PSMB2: variants seen among roughly 807,000 people sequenced by gnomAD.
The protein encoded by PSMB2 is proteasome subunit beta type-2.
PSMB2 carries 13 observed loss-of-function variants against 25.7 expected under a neutral mutation model. The observed-to-expected ratio is 0.51, with a 90% CI of 0.33 to 0.80. PSMB2 has a LOEUF of 0.80. Among genes scored for constraint, PSMB2 ranks in the 30% least tolerant of loss-of-function variants. PSMB2 has a pLI of 0.02. For missense variants in PSMB2, 202 were observed against 259.0 expected, an observed-to-expected ratio of 0.78 and a Z score of 1.51; for synonymous variants, 87 against 96.2, an observed-to-expected ratio of 0.90 and a Z score of 0.56.
chr1:35,636,240 C>G, intron 2 of PSMB2, 70 bp downstream of exon 2: 1 of 1,567,982 alleles, frequency 6.4e-7, no homozygotes, highest in Non-Finnish European at 8.7e-7. Context: ...TTAAGCCACC[C>G]AGTCTGTGAC....
At position 35,601,988 on chromosome 1, in the gene PSMB2, AAAAC is replaced by A. The variant is rs2148559576; in HGVS notation, c.*1275_*1278del. 1.2e-6 allele frequency: 1 copy of A among 854,372 alleles called. No homozygotes were observed. The highest frequency in any genetic ancestry group is 1.8e-5 in the African/African-American group (1 of 54,600). The allele number at this position is 854,372 out of a possible 1,614,324, so 52.9% of individuals were successfully genotyped here. A position where few individuals can be genotyped will look rare whatever the true frequency, so the allele number is the denominator to read the frequency against. On this transcript the variant is annotated 3_prime_UTR_variant, in exon 6 of 6. Coordinates refer to ENST00000373237, the MANE Select transcript of PSMB2 (RefSeq NM_002794.5). ...TAAGCATATCTATATGTATTGATATAAAACAATCTCTAATATAGTGTTAAGTGAA... is the reference window on the plus strand; with the variant it reads ...TAAGCATATCTATATGTATTGATATAAATCTCTAATATAGTGTTAAGTGAA...
At chr1:35,603,441 C>T in intron 5 of PSMB2, 67 bp from the exon 6 acceptor site, 1 of 1,562,436 alleles carries the variant, frequency 6.4e-7, no homozygotes, top group South Asian at 1.2e-5. Flanking sequence ...AGGCTCTGTT[C>T]TAGACACTGG....
chr1:35,613,292 C>T (rs1371732432), intron 3 of PSMB2, among the ~76,000 whole-genome samples: 2 of 152,030 alleles, frequency 1.3e-5, no homozygotes, highest in East Asian at 1.9e-4. Flanking sequence ...TAATCCCGCA[C>T]TTTGGGAGGC....
intron 3 of PSMB2, among the ~76,000 whole-genome samples, chr1:35,619,377 T>G (rs1207344913): frequency 6.6e-6 from 1 of 152,220 alleles, no homozygotes; most frequent in Non-Finnish European, 1.5e-5. Context: ...AGGCATGTAC[T>G]TCTGTGACAA....
intron 3 of PSMB2, among the ~76,000 whole-genome samples, chr1:35,618,496 CTAAGTTGCCA>C (rs1227548940): frequency 6.7e-6 from 1 of 150,050 alleles, no homozygotes; most frequent in African/African-American, 2.5e-5. Flanking sequence ...AAAGGTATAC[CTAAGTTGCCA>C]TAAGAAATTG....
intron 3 of PSMB2, among the ~76,000 whole-genome samples, chr1:35,628,596 A>AAAAAAATATATATATAT (rs59538661): frequency 1.6e-4 from 4 of 25,098 alleles, no homozygotes; most frequent in Non-Finnish European, 3.0e-4. Flanking sequence ...AAAAAAAAAA[A>AAAAAAATATATATATAT]ATATATATAT....
In PSMB2 at chr1:35,609,363, C is replaced by T. The variant is rs1650266154; in HGVS notation, c.331G>A (p.Glu111Lys). 1 of 1,605,250 alleles carries T rather than the reference C, an allele frequency of 6.2e-7. No individual in the cohort carries two copies. The change falls in exon 4 of 6, where the codon GAA becomes AAA. Residue 111 changes from glutamate to lysine, a missense_variant. Glu to Lys is a moderately conservative substitution (Grantham distance 56, BLOSUM62 1). Coordinates refer to ENST00000373237, the MANE Select transcript of PSMB2 (RefSeq NM_002794.5). ...TCCATGTAATACAGCGCTGGCCCTT[C>T]ATGCTCATCATAGCCAGCCAGGAGG... ...NLLLAGYDEH[E>K]GPALYYMDYL...
intron 3 of PSMB2, among the ~76,000 whole-genome samples, chr1:35,613,039 CAT>C (rs1479042316): frequency 6.6e-6 from 1 of 152,228 alleles, no homozygotes; most frequent in East Asian, 1.9e-4. Flanking sequence ...CTGACGCACA[CAT>C]ATACTTACCA....
At chr1:35,635,273 ATT>A (rs1281281920) in intron 2 of PSMB2, among the ~76,000 whole-genome samples, 2 of 136,982 alleles carry the variant, frequency 1.5e-5, no homozygotes, top group Admixed American at 7.1e-5. Context: ...AAAAAAAAAA[ATT>A]TTTTTTTTTT....
chr1:35,604,520 C>T (rs1650102647), intron 5 of PSMB2, among the ~76,000 whole-genome samples: 1 of 152,186 alleles, frequency 6.6e-6, no homozygotes, highest in Non-Finnish European at 1.5e-5. Flanking sequence ...TGGCTCATGC[C>T]TGTAATCCCA....
chr1:35,613,728 T>G (rs1037260760), intron 3 of PSMB2, among the ~76,000 whole-genome samples: 6 of 152,132 alleles, frequency 3.9e-5, no homozygotes, highest in African/African-American at 1.4e-4. Flanking sequence ...CATTCAGAAC[T>G]GAACAAAGAG....
Position 35,627,258 on chromosome 1 carries a change from CAAAAAAAAAAAAAA to C in PSMB2, c.285+4002_285+4015del, listed in dbSNP as rs772688881. On this transcript the variant is annotated intron_variant, in intron 3 of 5. Transcript: ENST00000373237. ...TAGGTGACAGAGCGAGACCCTATCT[CAAAAAAAAAAAAAA>C]AAAAAAAAAAGCACAACAAATGATC... Among the ~76,000 whole-genome samples the C allele has an allele frequency of 3.3e-4, 12 of 36,464 alleles. No homozygotes were observed. The East Asian group carries it at 7.4e-3, about 22-fold the overall frequency. 23.9% of individuals were successfully genotyped at this position (36,464 alleles called of 152,430 possible).
chr1:35,632,660 G>A (rs1323949218), intron 2 of PSMB2, among the ~76,000 whole-genome samples: 1 of 152,062 alleles, frequency 6.6e-6, no homozygotes, highest in East Asian at 1.9e-4. Context: ...TTGGGAAGCG[G>A]AGGCAGGCAG....
chr1:35,612,251 T>C (rs932008416), intron 3 of PSMB2, among the ~76,000 whole-genome samples: 1 of 151,792 alleles, frequency 6.6e-6, no homozygotes. Context: ...TTAGTAAAGC[T>C]GACCTTAGGC....
In PSMB2 at chr1:35,635,258, T is replaced by C. The variant is rs1373007717; in HGVS notation, c.214+1052A>G. Among the ~76,000 whole-genome samples, 12 of 140,706 alleles carry C rather than the reference T, an allele frequency of 8.5e-5. 1 individual carries two copies. The highest frequency in any genetic ancestry group is 7.7e-4 in the Admixed American group (11 of 14,250). 92.3% of individuals were successfully genotyped at this position (140,706 alleles called of 152,430 possible). A position where few individuals can be genotyped will look rare whatever the true frequency, so the allele number is the denominator to read the frequency against. On this transcript the variant is annotated intron_variant, in intron 2 of 5. Transcript: ENST00000373237. Reference sequence around the variant, plus strand: ...TGGACAACAAGAGTGAAACTCCATCTCAAAAAAAAAAAAAATTTTTTTTTT... The same window carrying C: ...TGGACAACAAGAGTGAAACTCCATCCCAAAAAAAAAAAAAATTTTTTTTTT...
At chr1:35,612,577 T>C (rs1160679946) in intron 3 of PSMB2, among the ~76,000 whole-genome samples, 3 of 152,214 alleles carry the variant, frequency 2.0e-5, no homozygotes, top group African/African-American at 7.2e-5. Context: ...AATACCTTGG[T>C]GTTCTTACAG....
At chr1:35,604,798 C>A (rs1192107584) in intron 5 of PSMB2, among the ~76,000 whole-genome samples, 1 of 152,038 alleles carries the variant, frequency 6.6e-6, no homozygotes, top group East Asian at 1.9e-4. Context: ...AAAATAAAGT[C>A]TAGAGCAGAA....
At chr1:35,613,759 A>G (rs1191299950) in intron 3 of PSMB2, among the ~76,000 whole-genome samples, 2 of 152,238 alleles carry the variant, frequency 1.3e-5, no homozygotes, top group Admixed American at 6.5e-5. Context: ...GCATAAATAA[A>G]TAAGAAAGAG....
chr1:35,624,358 A>G (rs568999841), intron 3 of PSMB2, among the ~76,000 whole-genome samples: 1 of 152,324 alleles, frequency 6.6e-6, no homozygotes, highest in South Asian at 2.1e-4. Context: ...CTTTGGTGGT[A>G]AGGGAACAGT....
Sources: gnomAD v4.1 joint callset for allele counts (sites outside exome capture counted in the v4.1 genomes callset) on GRCh38, gnomAD v4.1.1 for gene constraint, MANE v1.5 for transcripts, NCBI Gene and HGNC (gene_info 2026-07-23, HGNC 2026-07-21) for gene names.